The following MGST1 variants were observed in gnomAD, a reference collection of about 807,000 sequenced individuals.
The protein encoded by MGST1 is glutathione S-transferase 12.
Under a neutral mutation model 8.9 loss-of-function variants are expected in MGST1, and 5 were observed. That is an observed-to-expected ratio of 0.56 (90% CI 0.29 to 1.19). The LOEUF is 1.19. Among genes scored for constraint, MGST1 ranks in the 50% most tolerant of loss-of-function variants. MGST1 has a pLI of 0.08. For synonymous variants in MGST1, 54 were observed against 67.8 expected, an observed-to-expected ratio of 0.80 and a Z score of 1.00; for missense variants, 182 against 187.4, an observed-to-expected ratio of 0.97 and a Z score of 0.17.
chr12:16,426,203 C>T (rs1016294384), intron 1 of MGST1, among the ~76,000 whole-genome samples: 2 of 152,166 alleles, frequency 1.3e-5, no homozygotes, highest in Admixed American at 6.5e-5. Context: ...TCATCTCTTA[C>T]TCCTCACTAT....
chr12:16,589,911 G>A (rs75421378), downstream of MGST1, among the ~76,000 whole-genome samples: 65 of 152,164 alleles, frequency 4.3e-4, no homozygotes, highest in African/African-American at 1.2e-3. This position sits in a 1 kb window ranked among gnomAD's most constrained non-coding sequence, Gnocchi z 4.2. Flanking sequence ...TACTGTCTCC[G>A]TCTAGCTTTC....
At chr12:16,375,988 C>A in intron 3 of MGST1, 1 of 480,376 alleles carries the variant, frequency 2.1e-6, no homozygotes, top group Middle Eastern at 5.8e-4. Context: ...AAGATATATA[C>A]ACACACAACA....
At chr12:16,415,352 G>A (rs923173522) in intron 1 of MGST1, among the ~76,000 whole-genome samples, 2 of 150,264 alleles carry the variant, frequency 1.3e-5, no homozygotes, top group Admixed American at 1.3e-4. Flanking sequence ...TTACTCATCT[G>A]ATTTCCATGG....
intron 4 of MGST1, among the ~76,000 whole-genome samples, chr12:16,495,822 A>G (rs1486351327): frequency 1.3e-5 from 2 of 152,014 alleles, no homozygotes; most frequent in African/African-American, 2.4e-5. Flanking sequence ...TATCCATTAT[A>G]ACGCATCCTC....
chr12:16,387,206 A>G (rs149168982), intron 1 of MGST1, among the ~76,000 whole-genome samples: 44 of 152,326 alleles, frequency 2.9e-4, no homozygotes, highest in African/African-American at 1.0e-3. Context: ...GGGAAAAAAA[A>G]CAGCACAGTC....
chr12:16,373,986 C>A (rs756868438), intron 3 of MGST1, among the ~76,000 whole-genome samples: 4 of 152,090 alleles, frequency 2.6e-5, no homozygotes, highest in Non-Finnish European at 4.4e-5. Flanking sequence ...GATCAGTTCT[C>A]TTGACATTAC....
rs11056927 is a variant in MGST1, at chr12:16,414,406, T to A, written n.779-22982T>A. Among the ~76,000 whole-genome samples, 50 of 136,522 alleles carry A rather than the reference T, an allele frequency of 3.7e-4. 1 individual carries two copies. In the East Asian group the frequency reaches 7.4e-3, roughly 20 times the overall value. The allele number at this position is 136,522 out of a possible 152,430, so 89.6% of individuals were successfully genotyped here. A position where few individuals can be genotyped will look rare whatever the true frequency, so the allele number is the denominator to read the frequency against. On this transcript the variant is annotated intron_variant and non_coding_transcript_variant, in intron 1 of 1. Coordinates refer to the MGST1 transcript ENST00000359720. ...CTCAAGGTGTTTTTATTTTTTTTTT[T>A]ATTTTTTATTTATTTATTTATTTTT...
At chr12:16,534,566 G>C (rs1243397661) in intron 4 of MGST1, among the ~76,000 whole-genome samples, 1 of 152,130 alleles carries the variant, frequency 6.6e-6, no homozygotes. Flanking sequence ...CAGGGATAAG[G>C]ATGCCTATTT....
At position 16,362,489 on chromosome 12, in the gene MGST1, T is replaced by A. The variant is rs773917172; in HGVS notation, c.222-1306T>A. The stretch of plus-strand genomic sequence containing the variant: ...TTGAGCAGGCAATATGTAATAATTA[T>A]ATGCTTATTGCTATAGAAGAGAGTA... On this transcript the variant is annotated intron_variant, in intron 3 of 3. Transcript: ENST00000396210. The surrounding 1 kb of genome is among the most constrained non-coding windows in gnomAD (Gnocchi z 4.4). 10 of 152,134 alleles carry A rather than the reference T, an allele frequency of 6.6e-5. No homozygotes were observed. The highest frequency in any genetic ancestry group is 2.0e-4 in the Admixed American group (3 of 15,266). The allele number at this position is 152,134 out of a possible 1,614,324, so 9.4% of individuals were successfully genotyped here.
downstream of MGST1, among the ~76,000 whole-genome samples, chr12:16,440,042 G>T (rs763036019): frequency 1.1e-4 from 16 of 151,720 alleles, no homozygotes; most frequent in Non-Finnish European, 1.8e-4. Flanking sequence ...TGCATTTATG[G>T]TGTGATGTTC....
At chr12:16,459,986 G>T (rs986944241) in intron 4 of MGST1, among the ~76,000 whole-genome samples, 2 of 152,052 alleles carry the variant, frequency 1.3e-5, no homozygotes, top group Non-Finnish European at 2.9e-5. Flanking sequence ...GAAACAGAAG[G>T]TTAATGGATT....
chr12:16,529,420 A>T (rs1475172993), intron 4 of MGST1, among the ~76,000 whole-genome samples: 1 of 152,104 alleles, frequency 6.6e-6, no homozygotes, highest in Non-Finnish European at 1.5e-5. Context: ...ACATTTCAAC[A>T]AGGCTGTCCA....
chr12:16,358,648 A>T, intron 3 of MGST1, among the ~76,000 whole-genome samples: 1 of 151,716 alleles, frequency 6.6e-6, no homozygotes. Context: ...CTGTATTTTC[A>T]GTAGAGGCTG....
In MGST1 at chr12:16,363,992, T is replaced by A; in HGVS notation, c.419T>A (p.Val140Asp). 6.2e-7 allele frequency: 1 copy of A among 1,613,704 alleles called. No individual in the cohort carries two copies. Among genetic ancestry groups the A allele is most frequent in the Non-Finnish European group, 8.5e-7 (1 of 1,179,740 alleles). Residue 140 changes from valine (V) to aspartate (D), a missense_variant, in exon 4 of 4, where the codon GTT (valine) becomes GAT (aspartate). Val to Asp is a radical substitution (Grantham distance 152). Coordinates refer to ENST00000396210, the MANE Select transcript of MGST1 (RefSeq NM_020300.5). This position sits in a 1 kb window ranked among gnomAD's most constrained non-coding sequence, Gnocchi z 4.6. ...TTGAGTTTTTTTGTTGGATATGGAGTTACTCTTTCCATGGCTTACAGGTTG... is the reference window on the plus strand; with the variant it reads ...TTGAGTTTTTTTGTTGGATATGGAGATACTCTTTCCATGGCTTACAGGTTG... ...RALSFFVGYGVTLSMAYRLLK... is the reference protein window; with the variant it reads ...RALSFFVGYGDTLSMAYRLLK...
At chr12:16,579,173 G>GTA (rs942337528) in intron 4 of MGST1, among the ~76,000 whole-genome samples, 8 of 151,858 alleles carry the variant, frequency 5.3e-5, no homozygotes, top group South Asian at 2.1e-4. Context: ...GCATTAAATT[G>GTA]TATATATATA....
intron 4 of MGST1, among the ~76,000 whole-genome samples, chr12:16,533,675 T>G (rs1179510381): frequency 1.3e-5 from 2 of 152,020 alleles, no homozygotes; most frequent in Non-Finnish European, 2.9e-5. Flanking sequence ...CCAGATATTG[T>G]TATAGATCCT....
intron 4 of MGST1, among the ~76,000 whole-genome samples, chr12:16,472,491 T>G (rs1444686331): frequency 1.8e-4 from 27 of 151,966 alleles, no homozygotes. Context: ...CAAATCACTT[T>G]GAAAGTTCAG....
intron 1 of MGST1, among the ~76,000 whole-genome samples, chr12:16,393,908 A>G (rs1352812227): frequency 2.0e-5 from 3 of 152,190 alleles, no homozygotes; most frequent in African/African-American, 7.2e-5. Context: ...GCTAGACCAC[A>G]ATTTCTTTAT....
Position 16,354,222 on chromosome 12 carries a change from C to T in MGST1, c.-22-9C>T, listed in dbSNP as rs756174222. On this transcript the variant is annotated splice_polypyrimidine_tract_variant and intron_variant, in intron 1 of 3. Coordinates refer to ENST00000396210, the MANE Select transcript of MGST1 (RefSeq NM_020300.5). ...CTGCTTTTTCCCATTTTATTTAAAT[C>T]TTTTTAAGATTCCAGACCAAAATTG... 1 of 1,555,202 alleles carries T rather than the reference C, an allele frequency of 6.4e-7. No individual in the cohort carries two copies. The highest frequency in any genetic ancestry group is 8.7e-7 in the Non-Finnish European group (1 of 1,154,548).
Sources: allele counts gnomAD v4.1 joint callset (sites outside exome capture counted in the v4.1 genomes callset), GRCh38; gene constraint gnomAD v4.1.1; non-coding constraint Gnocchi (gnomAD v3.1); transcripts MANE v1.5; gene names NCBI Gene and HGNC (gene_info 2026-07-23, HGNC 2026-07-21).